Variants in PARP3 observed in about 807,000 individuals in gnomAD.
PARP3 encodes protein mono-ADP-ribosyltransferase PARP3.
PARP3 carries 46 observed loss-of-function variants against 58.2 expected under a neutral mutation model. The observed-to-expected ratio is 0.79, with a 90% confidence interval of 0.62 to 1.01. The LOEUF (loss-of-function observed/expected upper bound fraction) is 1.01. Among genes scored for constraint, PARP3 ranks in the 50% least tolerant of loss-of-function variants. PARP3 has a pLI of 0.00. For missense variants in PARP3, 663 were observed against 683.9 expected (o/e 0.97, Z 0.34); for synonymous variants, 252 against 266.4 (o/e 0.95, Z 0.53).
intron 6 of PARP3, 35 bp from the exon 7 acceptor site, chr3:51,945,460 G>A (rs1459350293): frequency 6.2e-7 from 1 of 1,606,300 alleles, no homozygotes; most frequent in African/African-American, 1.3e-5. Context: ...CAGAGGTCAA[G>A]TGGGAAGACA....
rs776929026 is a variant in PARP3 at position 51,945,001 on chromosome 3, TGAA to T, written c.644_646del (p.Lys215del). The T allele has an allele frequency of 6.2e-7, 1 of 1,613,424 alleles. No individual in the cohort carries two copies. Among genetic ancestry groups the T allele is most frequent in the South Asian group, 1.1e-5 (1 of 91,068 alleles). Reference sequence around the variant, plus strand: ...CCCCACTCCCCTGTCCCCCTAGATGTGAAGAAGATGCCCCTGGGAAAGCTGAGC... The same window carrying T: ...CCCCACTCCCCTGTCCCCCTAGATGTGAAGATGCCCCTGGGAAAGCTGAGC... On this transcript the variant is annotated inframe_deletion, in exon 6 of 11. Transcript: ENST00000398755.
intron 10 of PARP3, 142 bp downstream of exon 10, chr3:51,948,037 C>A: frequency 1.2e-6 from 1 of 859,962 alleles, no homozygotes; most frequent in Non-Finnish European, 1.8e-6. Context: ...CAAACATCCA[C>A]TGGTTCAACA....
intron 6 of PARP3, 130 bp from the exon 7 acceptor site, chr3:51,945,365 C>G (rs1234275702): frequency 3.7e-6 from 5 of 1,342,282 alleles, no homozygotes; most frequent in African/African-American, 2.9e-5. Context: ...GAAGGCTGGG[C>G]AGACAGATAG....
Position 51,945,046 on chromosome 3 carries a change from G to T in PARP3, c.683G>T (p.Arg228Leu). The change falls in exon 6 of 11, where the codon CGG becomes CTG. Residue 228 changes from arginine to leucine, a missense_variant. Coordinates refer to ENST00000398755, the MANE Select transcript of PARP3 (RefSeq NM_001003931.4). ...LGKLSKQQIA[R>L]GFEALEALEE... ...AAGCTGAGCAAGCAACAGATTGCAC[G>T]GGGTTTCGAGGCCTTGGAGGCGCTG... is the stretch of plus-strand genomic sequence containing the variant. 1.2e-6 allele frequency: 2 copies of T among 1,614,106 alleles called. No individual in the cohort carries two copies. Among genetic ancestry groups the T allele is most frequent in the Non-Finnish European group, 8.5e-7 (1 of 1,180,032 alleles).
At chr3:51,943,010 G>A in intron 1 of PARP3, 1 of 1,399,000 alleles carries the variant, frequency 7.1e-7, no homozygotes, top group Non-Finnish European at 9.3e-7. Context: ...AAGAGAGAGA[G>A]CCTCCTTTCA....
chr3:51,945,049 G>A lies in PARP3; in HGVS notation c.686G>A (p.Gly229Asp). 6.2e-7 allele frequency: 1 copy of A among 1,614,150 alleles called. No individual in the cohort carries two copies. Among genetic ancestry groups the A allele is most frequent in the Non-Finnish European group, 8.5e-7 (1 of 1,180,042 alleles). Residue 229 changes from glycine (G) to aspartate (D), a missense_variant, in exon 6 of 11, where the codon GGT (glycine) becomes GAT (aspartate). This residue lies in a region of PARP3 where 567 missense variants were observed against 553.6 expected (regional missense o/e 1.02). Transcript: ENST00000398755. ...CTGAGCAAGCAACAGATTGCACGGG[G>A]TTTCGAGGCCTTGGAGGCGCTGGAG... ...GKLSKQQIARGFEALEALEEA... is the reference protein window; with the variant it reads ...GKLSKQQIARDFEALEALEEA...
rs1699676394 is a variant in PARP3, at chr3:51,946,305, T to C, written c.1238T>C (p.Ile413Thr). ...PHSGGRVGKG[I>T]YFASENSKSA... is the part of the protein sequence containing the mutation. ...TCTGGTGGGCGTGTTGGCAAGGGCA[T>C]CTACTTTGCCTCAGAGAACAGCAAG... The change falls in exon 9 of 11, where the codon ATC becomes ACC. Residue 413 changes from isoleucine (I) to threonine (T), a missense_variant. Physicochemically the swap from Ile to Thr is moderately conservative, Grantham distance 89. Coordinates refer to ENST00000398755, the MANE Select transcript of PARP3 (RefSeq NM_001003931.4). This position sits in a 1 kb window ranked among gnomAD's most constrained non-coding sequence, Gnocchi z 4.6. 3 of 1,613,116 alleles carry C rather than the reference T, an allele frequency of 1.9e-6. No homozygotes were observed. The highest frequency in any genetic ancestry group is 2.5e-6 in the Non-Finnish European group (3 of 1,179,474).
chr3:51,944,932 G>A lies in PARP3; in HGVS notation c.634+22G>A. 6.2e-7 allele frequency: 1 copy of A among 1,613,458 alleles called. No individual in the cohort carries two copies. On this transcript the variant is annotated intron_variant, in intron 5 of 10. Coordinates refer to ENST00000398755, the MANE Select transcript of PARP3 (RefSeq NM_001003931.4). The surrounding 1 kb of genome is among the most constrained non-coding windows in gnomAD (Gnocchi z 4.2). ...CTGGGTGAGGGGTGAGAGGCAGGCA[G>A]GGTGGCAGGGGCCTCAGGGTGGCAG...
intron 7 of PARP3, 21 bp downstream of exon 7, chr3:51,945,665 G>T: frequency 6.2e-7 from 1 of 1,612,840 alleles, no homozygotes; most frequent in East Asian, 2.2e-5. Context: ...CCCCACAGAG[G>T]GGCCAGGCTA....
At position 51,946,499 on chromosome 3, in the gene PARP3, CG is replaced by C. The variant is rs748452170; in HGVS notation, c.1276+162del. 1.8e-4 allele frequency among the ~76,000 whole-genome samples: 27 copies of C among 152,000 alleles called. No homozygotes were observed. Among genetic ancestry groups the C allele is most frequent in the Admixed American group, 7.9e-4 (12 of 15,266 alleles). ...AGTGGGCTGTCCTGGGCTTTGGTGG[CG>C]GGGGGTCTTAGAGAAAGTGTCTGAT... On this transcript the variant is annotated intron_variant, in intron 9 of 10. Coordinates refer to ENST00000398755, the MANE Select transcript of PARP3 (RefSeq NM_001003931.4). This position sits in a 1 kb window ranked among gnomAD's most constrained non-coding sequence, Gnocchi z 4.6.
intron 9 of PARP3, 151 bp from the exon 10 acceptor site, chr3:51,947,589 G>A (rs137993941): frequency 5.2e-6 from 4 of 771,486 alleles, no homozygotes; most frequent in Non-Finnish European, 6.3e-6. Flanking sequence ...GGAGCAGGCC[G>A]GGACAAGGAG....
rs768561642 is a variant in PARP3 at position 51,948,555 on chromosome 3, C to G, written c.*75C>G. 37 of 1,257,810 alleles carry G rather than the reference C, an allele frequency of 2.9e-5. No homozygotes were observed. Among genetic ancestry groups the G allele is most frequent in the Non-Finnish European group, 4.0e-5 (35 of 881,666 alleles). 77.9% of individuals were successfully genotyped at this position (1,257,810 alleles called of 1,614,324 possible). On this transcript the variant is annotated 3_prime_UTR_variant, in exon 11 of 11. Coordinates refer to ENST00000398755, the MANE Select transcript of PARP3 (RefSeq NM_001003931.4). ...ATCATCCTGCCCATCTCTGGTACCCCTATATCACTCCTTTTTTTCAAGAAT... is the reference window on the plus strand; with the variant it reads ...ATCATCCTGCCCATCTCTGGTACCCGTATATCACTCCTTTTTTTCAAGAAT...
At position 51,945,488 on chromosome 3, in the gene PARP3, A is replaced by G. The variant is rs767836704; in HGVS notation, c.862-7A>G. ...GGAAGACAAACTGCCAGGGCCCATC[A>G]TCCTAGGTGCTGGCGGACATCGAGC... On this transcript the variant is annotated splice_polypyrimidine_tract_variant and splice_region_variant and intron_variant, in intron 6 of 10. Coordinates refer to ENST00000398755, the MANE Select transcript of PARP3 (RefSeq NM_001003931.4). 23 of 1,612,526 alleles carry G rather than the reference A, an allele frequency of 1.4e-5. No individual in the cohort carries two copies. In the East Asian group the frequency reaches 4.2e-4, roughly 30 times the overall value.
Position 51,944,835 on chromosome 3 carries a change from C to G in PARP3, c.559C>G (p.Pro187Ala), listed in dbSNP as rs1699633580. 2 of 1,613,792 alleles carry G rather than the reference C, an allele frequency of 1.2e-6. No homozygotes were observed. The highest frequency in any genetic ancestry group is 1.7e-6 in the Non-Finnish European group (2 of 1,180,000). The stretch of plus-strand genomic sequence containing the variant: ...GCGGGTGCAGCCCTGCTCCCTGGAC[C>G]CAGCCACGCAGAAGCTCATCACTAA... ...TKRVQPCSLD[P>A]ATQKLITNIF... Residue 187 changes from proline to alanine, a missense_variant, in exon 5 of 11, where the codon CCA (proline) becomes GCA (alanine). Pro to Ala is a conservative substitution (Grantham distance 27). This residue lies in a region of PARP3 where 567 missense variants were observed against 553.6 expected (regional missense o/e 1.02). Coordinates refer to ENST00000398755, the MANE Select transcript of PARP3 (RefSeq NM_001003931.4). This position sits in a 1 kb window ranked among gnomAD's most constrained non-coding sequence, Gnocchi z 4.2.
At chr3:51,945,374 AG>A in intron 6 of PARP3, 120 bp from the exon 7 acceptor site, 1 of 1,183,714 alleles carries the variant, frequency 8.4e-7, no homozygotes. Flanking sequence ...GCAGACAGAT[AG>A]GGTGGGGAGG....
chr3:51,945,957 A>G lies in PARP3; in HGVS notation c.1098+18A>G. 6.3e-7 allele frequency: 1 copy of G among 1,596,864 alleles called. No individual in the cohort carries two copies. The highest frequency in any genetic ancestry group is 1.7e-5 in the Admixed American group (1 of 59,884). ...AAGGGGAGGTGAGGGAGGTTCCCCCACCTCTCCCCCATCACCACTGTGCCT... is the reference window on the plus strand; with the variant it reads ...AAGGGGAGGTGAGGGAGGTTCCCCCGCCTCTCCCCCATCACCACTGTGCCT... On this transcript the variant is annotated intron_variant, in intron 8 of 10. Transcript: ENST00000398755.
chr3:51,946,125 C>T lies in PARP3; in HGVS notation c.1099-41C>T, dbSNP rs752987438. 2.3e-5 allele frequency: 36 copies of T among 1,544,000 alleles called. No homozygotes were observed. The highest frequency in any genetic ancestry group is 3.0e-5 in the Non-Finnish European group (34 of 1,133,466). On this transcript the variant is annotated intron_variant, in intron 8 of 10. Transcript: ENST00000398755. The surrounding 1 kb of genome is among the most constrained non-coding windows in gnomAD (Gnocchi z 4.6). ...CAGCAGGGCAAGGCGACTGAGTGCT[C>T]GGGTGGCATCACTCCCATTTCTCAC... is the stretch of plus-strand genomic sequence containing the variant.
rs1291967722 is a variant in PARP3, at chr3:51,946,100, C to G, written c.1099-66C>G. ...AGGGACACTAGGCCTTGGTCACAAG[C>G]AGCAGGGCAAGGCGACTGAGTGCTC... On this transcript the variant is annotated intron_variant, in intron 8 of 10. Transcript: ENST00000398755. This position sits in a 1 kb window ranked among gnomAD's most constrained non-coding sequence, Gnocchi z 4.6. 4.1e-6 allele frequency: 6 copies of G among 1,468,702 alleles called. No homozygotes were observed. In the East Asian group the frequency reaches 9.1e-5, roughly 22 times the overall value. The allele number at this position is 1,468,702 out of a possible 1,614,324, so 91.0% of individuals were successfully genotyped here.
chr3:51,943,443 C>T lies in PARP3; in HGVS notation c.88C>T (p.Arg30Cys), dbSNP rs779715407. 94 of 1,607,578 alleles carry T rather than the reference C, an allele frequency of 5.8e-5. No individual in the cohort carries two copies. The highest frequency in any genetic ancestry group is 7.0e-5 in the Non-Finnish European group (83 of 1,177,664). Reference sequence around the variant, plus strand: ...GGCAGGAAGGGAGGAGGACCCCTTCCGCTCCACCGCTGAGGCCCTCAAGGC... The same window carrying T: ...GGCAGGAAGGGAGGAGGACCCCTTCTGCTCCACCGCTGAGGCCCTCAAGGC... ...RQAGREEDPF[R>C]STAEALKAIP... The change falls in exon 2 of 11, where the codon CGC (arginine) becomes TGC (cysteine). Residue 30 changes from arginine (R) to cysteine (C), a missense_variant. Around this residue, in one of 3 missense-constraint regions of PARP3, gnomAD observed 567 missense variants for 553.6 expected, o/e 1.02. Coordinates refer to ENST00000398755, the MANE Select transcript of PARP3 (RefSeq NM_001003931.4).
Sources: gnomAD v4.1 joint callset for allele counts (sites outside exome capture counted in the v4.1 genomes callset) on GRCh38, gnomAD v4.1.1 for gene constraint, gnomAD v4.1.1 regional missense constraint, Gnocchi (gnomAD v3.1) non-coding constraint, MANE v1.5 for transcripts, NCBI Gene and HGNC (gene_info 2026-07-23, HGNC 2026-07-21) for gene names.